The following MME variants were observed in gnomAD, a reference collection of about 807,000 sequenced individuals.
The protein encoded by MME is neprilysin.
A neutral mutation model predicts 113.2 loss-of-function variants in MME; 98 were observed. The ratio of observed to expected loss-of-function variants is 0.87; its 90% CI spans 0.74 to 1.02. The LOEUF (loss-of-function observed/expected upper bound fraction) is 1.02. Among genes scored for constraint, MME ranks in the 50% least tolerant of loss-of-function variants. The pLI, the probability that MME is intolerant of heterozygous loss-of-function variation, is 0.00. For synonymous variants in MME, 292 were observed against 300.6 expected, an observed-to-expected ratio of 0.97 and a Z score of 0.30; for missense variants, 836 against 896.0, an observed-to-expected ratio of 0.93 and a Z score of 0.86.
chr3:155,150,453 C>T (rs558289094), intron 16 of MME, among the ~76,000 whole-genome samples: 2 of 152,090 alleles, frequency 1.3e-5, no homozygotes, highest in Non-Finnish European at 1.5e-5. Flanking sequence ...CTTTTTGGTC[C>T]TCCCCATGAG....
intron 16 of MME, among the ~76,000 whole-genome samples, chr3:155,153,541 C>A (rs1722104466): frequency 6.6e-6 from 1 of 152,104 alleles, no homozygotes; most frequent in Non-Finnish European, 1.5e-5. Context: ...AAACATGAAT[C>A]TCTAAAGAAA....
upstream of MME, among the ~76,000 whole-genome samples, chr3:155,075,899 T>C (rs372189369): frequency 2.0e-5 from 3 of 152,226 alleles, no homozygotes; most frequent in South Asian, 6.2e-4. Flanking sequence ...TTTTAGTTGA[T>C]CTTTTTTATC....
intron 1 of MME, among the ~76,000 whole-genome samples, chr3:155,072,110 G>A (rs1279727219): frequency 1.4e-5 from 2 of 140,540 alleles, no homozygotes; most frequent in Non-Finnish European, 3.0e-5. Context: ...GCAGTGAGCC[G>A]AGATTGCGCC....
In MME at chr3:155,107,531, T is replaced by TC. The variant is rs1717792797; in HGVS notation, c.197-7460dup. On this transcript the variant is annotated intron_variant, in intron 3 of 22. Transcript: ENST00000360490. ...GAGAAAGAAATGGTTTGTATCTTTTTCCCACTTAATTTTCTTTCCTGTTTT... is the reference window on the plus strand; with the variant it reads ...GAGAAAGAAATGGTTTGTATCTTTTTCCCCACTTAATTTTCTTTCCTGTTTT... Among the ~76,000 whole-genome samples, 5 of 152,204 alleles carry TC rather than the reference T, an allele frequency of 3.3e-5. No homozygotes were observed. The South Asian group carries it at 1.0e-3, about 32-fold the overall frequency.
At chr3:155,131,290 C>G (rs763245163) in intron 8 of MME, among the ~76,000 whole-genome samples, 3 of 152,156 alleles carry the variant, frequency 2.0e-5, no homozygotes, top group Non-Finnish European at 4.4e-5. Context: ...TATAGGGAAA[C>G]AGTTTGTGTA....
Position 155,142,079 on chromosome 3 carries a change from C to T in MME, c.1046C>T (p.Pro349Leu). ...TNEEDVVVYA[P>L]EYLTKLKPIL... is the part of the protein sequence containing the mutation. ...GAGGAAGATGTGGTTGTTTATGCTC[C>T]AGAATATTTAACCAAACTTAAGCCC... is the stretch of plus-strand genomic sequence containing the variant. The change falls in exon 11 of 23, where the codon CCA becomes CTA. Residue 349 changes from proline to leucine, a missense_variant. Transcript: ENST00000360490. 6.2e-7 allele frequency: 1 copy of T among 1,613,776 alleles called. No individual in the cohort carries two copies. Among genetic ancestry groups the T allele is most frequent in the Non-Finnish European group, 8.5e-7 (1 of 1,179,792 alleles).
intron 1 of MME, among the ~76,000 whole-genome samples, chr3:155,065,918 A>G (rs1227431123): frequency 6.6e-6 from 1 of 152,208 alleles, no homozygotes; most frequent in Non-Finnish European, 1.5e-5. Flanking sequence ...GTTGCTGTGC[A>G]GTGGAGCTAC....
intron 8 of MME, among the ~76,000 whole-genome samples, chr3:155,131,897 T>C (rs61758176): frequency 3.9e-5 from 6 of 152,194 alleles, no homozygotes; most frequent in Non-Finnish European, 2.9e-5. Flanking sequence ...TGGTAGGAAA[T>C]AATCTTTCCT....
chr3:155,102,235 A>C (rs768641964), intron 3 of MME, among the ~76,000 whole-genome samples: 5 of 152,184 alleles, frequency 3.3e-5, no homozygotes, highest in Non-Finnish European at 7.3e-5. Context: ...GATGGTGATG[A>C]TTTACTATAA....
At chr3:155,142,791 T>C (rs1274415876) in intron 12 of MME, among the ~76,000 whole-genome samples, 4 of 152,110 alleles carry the variant, frequency 2.6e-5, no homozygotes, top group African/African-American at 9.7e-5. Flanking sequence ...CCTATATTAT[T>C]TAAACAATCA....
intron 3 of MME, among the ~76,000 whole-genome samples, chr3:155,089,407 G>C (rs61762348): frequency 1.7e-3 from 253 of 152,114 alleles, no homozygotes; most frequent in Non-Finnish European, 2.9e-3. Context: ...TGATATTTTT[G>C]TGCTAGATAA....
intron 3 of MME, among the ~76,000 whole-genome samples, chr3:155,107,092 A>G (rs898323118): frequency 1.3e-4 from 20 of 152,340 alleles, no homozygotes; most frequent in African/African-American, 4.6e-4. Context: ...GTGGTGGCTC[A>G]TGCCTATAAT....
intron 1 of MME, among the ~76,000 whole-genome samples, chr3:155,034,209 G>A (rs1713060170): frequency 6.6e-6 from 1 of 152,128 alleles, no homozygotes; most frequent in African/African-American, 2.4e-5. Context: ...GAGCACTGTA[G>A]CCACAGTTCA....
intron 3 of MME, chr3:155,112,722 T>C (rs1718285104): frequency 6.6e-6 from 1 of 152,292 alleles, no homozygotes; most frequent in African/African-American, 2.4e-5. Context: ...TGGAATGGAC[T>C]CTGGAGGCAA....
At chr3:155,156,688 G>A (rs1722327224) in intron 16 of MME, among the ~76,000 whole-genome samples, 2 of 152,120 alleles carry the variant, frequency 1.3e-5, no homozygotes, top group African/African-American at 2.4e-5. Flanking sequence ...AAGGATTAGA[G>A]TGATTATTGT....
intron 15 of MME, 97 bp from the exon 16 acceptor site, chr3:155,148,453 A>T: frequency 1.3e-6 from 1 of 795,470 alleles, no homozygotes; most frequent in South Asian, 1.6e-5. Flanking sequence ...TTTTAACTTT[A>T]TTGACTGATA....
At chr3:155,175,251 G>T (rs1380131853) in intron 22 of MME, among the ~76,000 whole-genome samples, 1 of 151,514 alleles carries the variant, frequency 6.6e-6, no homozygotes, top group Non-Finnish European at 1.5e-5. Context: ...GACTTATTTT[G>T]GGTTTTTATT....
chr3:155,167,354 G>T (rs1353377224), intron 18 of MME, among the ~76,000 whole-genome samples: 1 of 152,058 alleles, frequency 6.6e-6, no homozygotes, highest in Non-Finnish European at 1.5e-5. Context: ...TAAAGGACAG[G>T]CTGCATGTCT....
At chr3:155,071,595 G>A (rs563007268) in intron 1 of MME, among the ~76,000 whole-genome samples, 1 of 152,246 alleles carries the variant, frequency 6.6e-6, no homozygotes, top group African/African-American at 2.4e-5. Context: ...CAAATTGTCA[G>A]GAGTGGCAAA....
Sources: gnomAD v4.1 joint callset for allele counts (sites outside exome capture counted in the v4.1 genomes callset) on GRCh38, gnomAD v4.1.1 for gene constraint, MANE v1.5 for transcripts, NCBI Gene and HGNC (gene_info 2026-07-23, HGNC 2026-07-21) for gene names.